Variants in SLC2A2 observed in about 807,000 individuals in gnomAD.
SLC2A2 encodes solute carrier family 2 member 2.
In SLC2A2, 36 loss-of-function variants were observed where a neutral mutation model predicts 54.5. The observed-to-expected ratio is 0.66, with a 90% confidence interval of 0.51 to 0.87. SLC2A2 has a LOEUF of 0.87. SLC2A2 is among the 40% of genes least tolerant of loss of function. The pLI is 0.00. For synonymous variants in SLC2A2, 223 were observed against 219.1 expected, an observed-to-expected ratio of 1.02 and a Z score of -0.16; for missense variants, 543 against 624.3, an observed-to-expected ratio of 0.87 and a Z score of 1.39.
In SLC2A2 at chr3:171,014,552, G is replaced by A. The variant is rs892180013; in HGVS notation, c.288C>T (p.Leu96=). The change falls in exon 3 of 11, where the codon CTC becomes CTT. Residue 96 remains leucine, a synonymous_variant. Coordinates refer to ENST00000314251, the MANE Select transcript of SLC2A2 (RefSeq NM_000340.2). ...CAAAGCTGGATACAGACAGGGACCA[G>A]AGCATGGTGATTAGTTGAGCAGCTG... ...TVAAAQLITM[L]WSLSVSSFAV... 2 of 1,614,200 alleles carry A rather than the reference G, an allele frequency of 1.2e-6. No homozygotes were observed. The highest frequency in any genetic ancestry group is 1.7e-6 in the Non-Finnish European group (2 of 1,180,032).
At chr3:171,018,759 C>A in intron 1 of SLC2A2, 136 bp from the exon 2 acceptor site, 1 of 695,914 alleles carries the variant, frequency 1.4e-6, no homozygotes. Context: ...GCAGTATGCC[C>A]TGTGCTCCAG....
At position 171,010,052 on chromosome 3, in the gene SLC2A2, C is replaced by A. The variant is rs759199901; in HGVS notation, c.402G>T (p.Leu134=). 3 of 1,612,732 alleles carry A rather than the reference C, an allele frequency of 1.9e-6. No homozygotes were observed. In the South Asian group the frequency reaches 3.3e-5, roughly 18 times the overall value. ...CCATCAAGAGAGCTCCAACTAATGA[C>A]AGAATGTTTGCTACTAACATGGCTT... ...RIKAMLVANI[L]SLVGALLMGF... Residue 134 remains leucine (L), a synonymous_variant, in exon 4 of 11, where the codon CTG becomes CTT. Transcript: ENST00000314251.
chr3:171,019,810 CAA>C (rs1052112243), intron 1 of SLC2A2, among the ~76,000 whole-genome samples: 3 of 152,020 alleles, frequency 2.0e-5, no homozygotes, highest in African/African-American at 7.2e-5. Flanking sequence ...TTTAAAAAAT[CAA>C]ACAGTTATTT....
intron 2 of SLC2A2, among the ~76,000 whole-genome samples, chr3:171,017,300 A>G (rs1242375105): frequency 6.6e-6 from 1 of 152,198 alleles, no homozygotes; most frequent in Non-Finnish European, 1.5e-5. Context: ...GTCATCACCC[A>G]CACAAAAAAG....
intron 1 of SLC2A2, among the ~76,000 whole-genome samples, chr3:171,021,534 C>T (rs1229608297): frequency 6.6e-6 from 1 of 152,174 alleles, no homozygotes; most frequent in Non-Finnish European, 1.5e-5. Flanking sequence ...TGCCTATAGT[C>T]CCAGCGTTTG....
intron 6 of SLC2A2, 39 bp from the exon 7 acceptor site, chr3:171,005,511 A>G: frequency 6.5e-7 from 1 of 1,531,304 alleles, no homozygotes; most frequent in African/African-American, 1.4e-5. Flanking sequence ...AACTCAGGCC[A>G]AAACAAAAAG....
At chr3:171,001,722 T>C (rs950381137) in intron 8 of SLC2A2, among the ~76,000 whole-genome samples, 1 of 151,958 alleles carries the variant, frequency 6.6e-6, no homozygotes, top group Non-Finnish European at 1.5e-5. Flanking sequence ...GGAGTTTTTG[T>C]CTTTATTGTT....
chr3:171,019,355 G>T lies in SLC2A2; in HGVS notation c.16-732C>A, dbSNP rs149395687. Reference sequence around the variant, plus strand: ...CATTAGCTAGCCTTTATCATGTTCCGCATCAACATCCAGGGAAGGGTACTT... The same window carrying T: ...CATTAGCTAGCCTTTATCATGTTCCTCATCAACATCCAGGGAAGGGTACTT... On this transcript the variant is annotated intron_variant, in intron 1 of 10. Transcript: ENST00000314251. Among the ~76,000 whole-genome samples, 336 of 151,690 alleles carry T rather than the reference G, an allele frequency of 2.2e-3. 2 individuals are homozygous for T. The highest frequency in any genetic ancestry group is 7.6e-3 in the African/African-American group (315 of 41,414).
intron 1 of SLC2A2, among the ~76,000 whole-genome samples, chr3:171,026,368 CTTTTTTT>C (rs58089695): frequency 1.5e-4 from 18 of 117,526 alleles, no homozygotes; most frequent in Admixed American, 9.9e-4. Flanking sequence ...AATCTGCCCC[CTTTTTTT>C]TTTTTTTTTT....
At chr3:171,000,740 C>G (rs1715298031) in intron 8 of SLC2A2, among the ~76,000 whole-genome samples, 1 of 152,054 alleles carries the variant, frequency 6.6e-6, no homozygotes, top group Non-Finnish European at 1.5e-5. Flanking sequence ...GAAAGTCTCT[C>G]TTCCCAAAAA....
At chr3:171,007,564 T>A in intron 4 of SLC2A2, 1 of 363,792 alleles carries the variant, frequency 2.7e-6, no homozygotes, top group Non-Finnish European at 5.2e-6. Context: ...TCATAATGCC[T>A]TAGGTTATCT....
In SLC2A2 at chr3:171,006,002, C is replaced by T. The variant is rs1560035324; in HGVS notation, c.716G>A (p.Cys239Tyr). The change falls in exon 6 of 11, where the codon TGT becomes TAT. Residue 239 changes from cysteine (C) to tyrosine (Y), a missense_variant. Physicochemically the swap from Cys to Tyr is radical, Grantham distance 194 (BLOSUM62 -2). Coordinates refer to ENST00000314251, the MANE Select transcript of SLC2A2 (RefSeq NM_000340.2). The stretch of plus-strand genomic sequence containing the variant: ...GTAAAGGTATCTGGGGCTTTCTGGA[C>T]AGAAAAAGAGTAGCAGAGACTGAAG... ...AILQSLLLFF[C>Y]PESPRYLYIK... 6.2e-7 allele frequency: 1 copy of T among 1,612,628 alleles called. No homozygotes were observed. The highest frequency in any genetic ancestry group is 8.5e-7 in the Non-Finnish European group (1 of 1,179,094).
Position 170,996,994 on chromosome 3 carries a change from G to A in SLC2A2, c.*909C>T, listed in dbSNP as rs77733690. 9.9e-3 allele frequency: 2,062 copies of A among 209,272 alleles called. 50 individuals are homozygous for A. Among genetic ancestry groups the A allele is most frequent in the African/African-American group, 0.044 (1,929 of 43,688 alleles). The allele number at this position is 209,272 out of a possible 1,614,324, so 13.0% of individuals were successfully genotyped here. On this transcript the variant is annotated 3_prime_UTR_variant, in exon 11 of 11. Transcript: ENST00000314251. Reference sequence around the variant, plus strand: ...CTTTACTTCAAATTTTCTTACATTAGATTTGATCAAACTTATTAGGAATTT... The same window carrying A: ...CTTTACTTCAAATTTTCTTACATTAAATTTGATCAAACTTATTAGGAATTT...
At chr3:171,018,727 T>G in intron 1 of SLC2A2, 104 bp from the exon 2 acceptor site, 2 of 775,514 alleles carry the variant, frequency 2.6e-6, no homozygotes, top group Non-Finnish European at 4.6e-6. Context: ...ACAGGCTGGT[T>G]CTTTCCCCTC....
At chr3:171,002,952 T>C (rs1326896939) in intron 7 of SLC2A2, among the ~76,000 whole-genome samples, 1 of 152,028 alleles carries the variant, frequency 6.6e-6, no homozygotes, top group Non-Finnish European at 1.5e-5. Context: ...AACGTTTTGT[T>C]AAAGTATAAT....
chr3:171,003,657 A>T (rs897852811), intron 7 of SLC2A2, among the ~76,000 whole-genome samples: 1 of 152,008 alleles, frequency 6.6e-6, no homozygotes, highest in South Asian at 2.1e-4. Context: ...CATGATGTCA[A>T]CATTTTTAAA....
intron 4 of SLC2A2, among the ~76,000 whole-genome samples, chr3:171,008,272 A>G (rs1281682891): frequency 6.6e-6 from 1 of 152,080 alleles, no homozygotes; most frequent in Non-Finnish European, 1.5e-5. Context: ...GAACATTTAC[A>G]TGTGTGATAA....
intron 1 of SLC2A2, among the ~76,000 whole-genome samples, chr3:171,020,443 G>C (rs1716400997): frequency 6.6e-6 from 1 of 152,088 alleles, no homozygotes; most frequent in Non-Finnish European, 1.5e-5. Context: ...AATATAGGGG[G>C]TATCTGTCAG....
chr3:170,998,546 T>G (rs886946455), intron 9 of SLC2A2, 150 bp from the exon 10 acceptor site: 4 of 676,618 alleles, frequency 5.9e-6, no homozygotes, highest in Middle Eastern at 3.6e-4. Flanking sequence ...CTGAGAGAAA[T>G]TATTCTAGTC....
Sources: allele counts gnomAD v4.1 joint callset (sites outside exome capture counted in the v4.1 genomes callset), GRCh38; gene constraint gnomAD v4.1.1; transcripts MANE v1.5; gene names NCBI Gene and HGNC (gene_info 2026-07-23, HGNC 2026-07-21).